RP1: variants seen among roughly 807,000 people sequenced by gnomAD.
RP1 encodes oxygen-regulated protein 1.
In RP1, 16 loss-of-function variants were observed where a neutral mutation model predicts 14.8. The ratio of observed to expected loss-of-function variants is 1.08; its 90% confidence interval spans 0.73 to 1.65. The LOEUF is 1.65. RP1 is among the 40% of genes most tolerant of loss of function. The pLI is 0.00. For synonymous variants in RP1, 876 were observed against 883.6 expected, an observed-to-expected ratio of 0.99 and a Z score of 0.15; for missense variants, 2,631 against 2,535.0, an observed-to-expected ratio of 1.04 and a Z score of -0.81.
chr8:54,819,762 C>G (rs1185049139), intron 24 of RP1, among the ~76,000 whole-genome samples: 1 of 152,072 alleles, frequency 6.6e-6, no homozygotes, highest in Non-Finnish European at 1.5e-5. Flanking sequence ...TGGGTAAGAT[C>G]CAGAAAATTT....
At chr8:54,780,956 C>T in intron 23 of RP1, 4 of 984,548 alleles carry the variant, frequency 4.1e-6, no homozygotes, top group Non-Finnish European at 4.8e-6. Context: ...TCCTGTTAGA[C>T]TTTACTTCAT....
At chr8:54,762,256 A>C (rs1809656953) in intron 22 of RP1, among the ~76,000 whole-genome samples, 3 of 152,076 alleles carry the variant, frequency 2.0e-5, no homozygotes, top group African/African-American at 7.2e-5. Context: ...AGCACAGCTG[A>C]ATTAGGGCAG....
At chr8:54,831,307 T>G (rs1345535799) in intron 24 of RP1, among the ~76,000 whole-genome samples, 2 of 151,924 alleles carry the variant, frequency 1.3e-5, no homozygotes, top group Admixed American at 6.5e-5. Flanking sequence ...TGCACCTTAT[T>G]GTTGTTTTAG....
chr8:54,737,901 T>C (rs1465673974), intron 18 of RP1, among the ~76,000 whole-genome samples: 1 of 152,156 alleles, frequency 6.6e-6, no homozygotes, highest in Non-Finnish European at 1.5e-5. Context: ...ATATCTCTAG[T>C]CTGCAGAGGT....
intron 24 of RP1, among the ~76,000 whole-genome samples, chr8:54,790,591 A>G (rs1020002227): frequency 3.3e-5 from 5 of 152,168 alleles, no homozygotes; most frequent in African/African-American, 1.2e-4. Flanking sequence ...AGACAACTAA[A>G]TGAAGTTAGA....
At chr8:54,844,203 CG>C (rs1811860232) in intron 25 of RP1, among the ~76,000 whole-genome samples, 1 of 152,138 alleles carries the variant, frequency 6.6e-6, no homozygotes, top group South Asian at 2.1e-4. Context: ...GTTGGAAGCC[CG>C]GGTGGCCCAA....
At chr8:54,779,763 T>C (rs557828354) in intron 23 of RP1, among the ~76,000 whole-genome samples, 3 of 152,304 alleles carry the variant, frequency 2.0e-5, no homozygotes, top group Admixed American at 1.3e-4. Flanking sequence ...CTACCAGGGA[T>C]ACATGAAAGA....
In RP1 at chr8:54,584,923, C is replaced by G. The variant is rs146559226; in HGVS notation, c.-13+25603C>G. ...GCACGTGAGATGGGTTTCCTGAATA[C>G]AGCAAACTGATGAGTCTTGACTCTT... On this transcript the variant is annotated intron_variant, in intron 1 of 22. Coordinates refer to the RP1 transcript ENST00000636932. Among the ~76,000 whole-genome samples, 831 of 152,270 alleles carry G rather than the reference C, an allele frequency of 5.5e-3. 6 individuals carry two copies. Among genetic ancestry groups the G allele is most frequent in the African/African-American group, 0.019 (788 of 41,542 alleles).
chr8:54,753,845 T>C (rs531562202), intron 19 of RP1, among the ~76,000 whole-genome samples: 13 of 152,014 alleles, frequency 8.6e-5, no homozygotes, highest in Non-Finnish European at 1.5e-4. Flanking sequence ...CAGCAGACAG[T>C]GGGTTATGGC....
chr8:54,697,241 G>T, intron 12 of RP1: 2 of 611,504 alleles, frequency 3.3e-6, no homozygotes, highest in South Asian at 1.9e-5. Flanking sequence ...TTCAAAAACT[G>T]GAAAGGAAGG....
rs771149086 is a variant in RP1, at chr8:54,630,334, G to A, written c.6452G>A (p.Arg2151Lys). The change falls in exon 4 of 4, where the codon AGA becomes AAA. Residue 2151 changes from arginine (R) to lysine (K), a missense_variant. Transcript: ENST00000220676. ...ILNLTDLESS[R>K]EQEDL Reference sequence around the variant, plus strand: ...AATTTAACTGATCTTGAAAGCAGTAGAGAACAAGAAGATTTATAATTTCAA... The same window carrying A: ...AATTTAACTGATCTTGAAAGCAGTAAAGAACAAGAAGATTTATAATTTCAA... The A allele has an allele frequency of 2.5e-6, 4 of 1,613,662 alleles. No homozygotes were observed. In the South Asian group the frequency reaches 4.4e-5, roughly 18 times the overall value.
chr8:54,826,462 C>A (rs1811387803), intron 24 of RP1, among the ~76,000 whole-genome samples: 1 of 152,112 alleles, frequency 6.6e-6, no homozygotes, highest in Admixed American at 6.6e-5. Flanking sequence ...GTTCTTTGTT[C>A]CATGATATTT....
At position 54,626,582 on chromosome 8, in the gene RP1, A is replaced by G; in HGVS notation, c.2700A>G (p.Lys900=). 1 of 1,613,336 alleles carries G rather than the reference A, an allele frequency of 6.2e-7. No individual in the cohort carries two copies. The highest frequency in any genetic ancestry group is 8.5e-7 in the Non-Finnish European group (1 of 1,179,838). Residue 900 remains lysine, a synonymous_variant, in exon 4 of 4, where the codon AAA becomes AAG. Transcript: ENST00000220676. ...CAAATTCTTTAGCTTCTTTGAAAAA[A>G]CCTGATTTTCCTGAGGCTATTGCTC... ...TRANSLASLK[K]PDFPEAIAHH...
intron 1 of RP1, among the ~76,000 whole-genome samples, chr8:54,597,036 A>C (rs1322019316): frequency 6.6e-6 from 1 of 152,180 alleles, no homozygotes. Flanking sequence ...AGTTCTGATT[A>C]TGTCATTTCC....
intron 3 of RP1, among the ~76,000 whole-genome samples, chr8:54,623,956 A>G (rs1432162805): frequency 6.6e-6 from 1 of 152,204 alleles, no homozygotes; most frequent in East Asian, 1.9e-4. Flanking sequence ...AAACCCACAA[A>G]AAACTTTTAT....
intron 19 of RP1, among the ~76,000 whole-genome samples, chr8:54,744,268 C>T (rs1809170153): frequency 6.6e-6 from 1 of 152,124 alleles, no homozygotes; most frequent in South Asian, 2.1e-4. Flanking sequence ...AAGTTCCCTC[C>T]AGCAGTAATC....
chr8:54,855,083 C>G (rs1489511495), intron 26 of RP1, among the ~76,000 whole-genome samples: 7 of 152,202 alleles, frequency 4.6e-5, no homozygotes, highest in Admixed American at 3.9e-4. Context: ...AGTCCTCCAG[C>G]CCTTGGCAAC....
chr8:54,664,605 A>G (rs1806973975), intron 7 of RP1, among the ~76,000 whole-genome samples: 1 of 152,056 alleles, frequency 6.6e-6, no homozygotes, highest in Admixed American at 6.6e-5. Flanking sequence ...GGGATATCTC[A>G]TTGCTTTCGA....
intron 1 of RP1, among the ~76,000 whole-genome samples, chr8:54,589,692 G>C (rs1012100278): frequency 6.6e-6 from 1 of 152,092 alleles, no homozygotes; most frequent in African/African-American, 2.4e-5. Flanking sequence ...GCTAATTGGA[G>C]CTCAAGATGT....
Sources: allele counts gnomAD v4.1 joint callset (sites outside exome capture counted in the v4.1 genomes callset), GRCh38; gene constraint gnomAD v4.1.1; transcripts MANE v1.5; gene names NCBI Gene and HGNC (gene_info 2026-07-23, HGNC 2026-07-21).